Variants in DDHD2 observed in about 807,000 individuals in gnomAD.
The protein encoded by DDHD2 is DDHD domain containing 2.
A neutral mutation model predicts 91.2 loss-of-function variants in DDHD2; 62 were observed. The ratio of observed to expected loss-of-function variants is 0.68; its 90% CI spans 0.55 to 0.84. The LOEUF is 0.84. Among genes scored for constraint, DDHD2 ranks in the 40% least tolerant of loss-of-function variants. The pLI is 0.00. For synonymous variants in DDHD2, 271 were observed against 293.9 expected (o/e 0.92, Z 0.80); for missense variants, 740 against 846.9 (o/e 0.87, Z 1.57).
At chr8:38,256,121 A>T (rs1399584560) in intron 16 of DDHD2, among the ~76,000 whole-genome samples, 1 of 152,068 alleles carries the variant, frequency 6.6e-6, no homozygotes, top group Non-Finnish European at 1.5e-5. Flanking sequence ...TCAACTTAAC[A>T]TATTCATCAC....
chr8:38,249,844 G>A, intron 11 of DDHD2, 41 bp downstream of exon 11: 1 of 1,349,462 alleles, frequency 7.4e-7, no homozygotes, highest in Non-Finnish European at 1.1e-6. Flanking sequence ...ACAATTCTTT[G>A]ATGTCCATAG....
chr8:38,263,935 T>G, downstream of DDHD2: 1 of 985,376 alleles, frequency 1.0e-6, no homozygotes, highest in South Asian at 4.7e-5. Context: ...AAAGATCCTT[T>G]TACTAGAACA....
In DDHD2 at chr8:38,234,497, G is replaced by A. The variant is rs780636754; in HGVS notation, c.324G>A (p.Ser108=). The change falls in exon 3 of 18, where the codon TCG becomes TCA. Residue 108 remains serine, a synonymous_variant. Coordinates refer to ENST00000397166, the MANE Select transcript of DDHD2 (RefSeq NM_015214.3). Reference sequence around the variant, plus strand: ...CTGTATACTGGGATGAACTGGCATCGGAAGTGAGACGATGTACGTGGTTTT... The same window carrying A: ...CTGTATACTGGGATGAACTGGCATCAGAAGTGAGACGATGTACGTGGTTTT... ...RYAVYWDELA[S]EVRRCTWFYK... is the part of the protein sequence containing the mutation. The A allele has an allele frequency of 1.4e-5, 23 of 1,613,516 alleles. No homozygotes were observed. The highest frequency in any genetic ancestry group is 1.9e-5 in the Non-Finnish European group (22 of 1,179,930).
At chr8:38,252,456 T>A (rs895293157) in intron 13 of DDHD2, among the ~76,000 whole-genome samples, 169 bp downstream of exon 13, 2 of 152,144 alleles carry the variant, frequency 1.3e-5, no homozygotes, top group Non-Finnish European at 2.9e-5. Flanking sequence ...TACATTTTTT[T>A]AAATGAACTT....
At chr8:38,246,197 G>A in intron 8 of DDHD2, 36 bp from the exon 9 acceptor site, 1 of 1,473,914 alleles carries the variant, frequency 6.8e-7, no homozygotes, top group Non-Finnish European at 9.5e-7. Context: ...TAGTGCTAAT[G>A]CTTAGAAATT....
chr8:38,263,937 A>C, downstream of DDHD2: 4 of 985,320 alleles, frequency 4.1e-6, no homozygotes, highest in Non-Finnish European at 4.8e-6. Flanking sequence ...AGATCCTTTT[A>C]CTAGAACATG....
intron 15 of DDHD2, 199 bp downstream of exon 15, chr8:38,253,326 A>G (rs1485341456): frequency 1.4e-6 from 1 of 731,522 alleles, no homozygotes; most frequent in Non-Finnish European, 2.2e-6. Context: ...CCTAGCTATC[A>G]ATGGTATAGG....
chr8:38,267,634 C>T, downstream of DDHD2: 1 of 616,750 alleles, frequency 1.6e-6, no homozygotes, highest in Non-Finnish European at 2.8e-6. Flanking sequence ...AATGACACTG[C>T]AGCTTCAGGA....
At chr8:38,243,568 G>A (rs1032679374) in intron 7 of DDHD2, among the ~76,000 whole-genome samples, 2 of 152,066 alleles carry the variant, frequency 1.3e-5, no homozygotes, top group East Asian at 1.9e-4. Context: ...TGCCTCAACC[G>A]TATCTTCATA....
chr8:38,239,960 T>C (rs530878907), intron 5 of DDHD2, among the ~76,000 whole-genome samples: 2 of 151,790 alleles, frequency 1.3e-5, no homozygotes, highest in South Asian at 4.2e-4. Flanking sequence ...CCTGACCTCA[T>C]GATCTACCTG....
intron 3 of DDHD2, among the ~76,000 whole-genome samples, chr8:38,234,799 G>A (rs189934592): frequency 4.3e-4 from 62 of 145,648 alleles, no homozygotes; most frequent in Non-Finnish European, 7.0e-4. Context: ...ACGGAGTCTC[G>A]CTCTGTTGCC....
downstream of DDHD2, chr8:38,264,838 A>ATTAC: frequency 6.3e-7 from 1 of 1,586,362 alleles, no homozygotes. Context: ...ATCTTAAGTA[A>ATTAC]GTATAATAAG....
At chr8:38,267,666 C>T (rs1268681089), downstream of DDHD2, 4 of 621,298 alleles carry the variant, frequency 6.4e-6, no homozygotes, top group Admixed American at 9.0e-5. Flanking sequence ...GGACACTGAC[C>T]GACTGCTGTG....
downstream of DDHD2, chr8:38,264,802 G>A: frequency 6.5e-7 from 1 of 1,527,410 alleles, no homozygotes; most frequent in African/African-American, 1.4e-5. Context: ...TTGTCAGGTT[G>A]CTTTCTGAAC....
intron 3 of DDHD2, 28 bp downstream of exon 3, chr8:38,234,612 T>C (rs1244359962): frequency 2.0e-6 from 3 of 1,508,682 alleles, no homozygotes; most frequent in Non-Finnish European, 2.7e-6. Flanking sequence ...TTTTTACTTA[T>C]TCTTTCTTTC....
At chr8:38,256,113 A>G (rs1806492568) in intron 16 of DDHD2, among the ~76,000 whole-genome samples, 1 of 152,096 alleles carries the variant, frequency 6.6e-6, no homozygotes, top group Admixed American at 6.6e-5. Context: ...CACTACAATC[A>G]ACTTAACATA....
rs549614028 is a variant in DDHD2 at position 38,233,285 on chromosome 8, T to C, written c.220+71T>C. The C allele has an allele frequency of 2.3e-4, 290 of 1,282,746 alleles. 2 individuals carry two copies. The African/African-American group carries it at 3.1e-3, about 14-fold the overall frequency. 79.5% of individuals were successfully genotyped at this position (1,282,746 alleles called of 1,614,324 possible). On this transcript the variant is annotated intron_variant, in intron 2 of 17. Transcript: ENST00000397166. ...TCAAACTATAATATAATGGTCCTTATAGTGAGTGCTATGAAAACCAAATTT... is the reference window on the plus strand; with the variant it reads ...TCAAACTATAATATAATGGTCCTTACAGTGAGTGCTATGAAAACCAAATTT...
At chr8:38,269,099 C>T (rs1585835178) in intron 1 of DDHD2, 2 of 1,526,514 alleles carry the variant, frequency 1.3e-6, no homozygotes, top group Non-Finnish European at 1.8e-6. Flanking sequence ...GCGGGGCCGC[C>T]CGGGCCCGGC....
chr8:38,259,988 A>G (rs1318641379), intron 16 of DDHD2, 52 bp from the exon 17 acceptor site: 1 of 1,171,402 alleles, frequency 8.5e-7, no homozygotes, highest in Non-Finnish European at 1.3e-6. Context: ...TATGTAAAAC[A>G]TTTGGCACAA....
Sources: allele counts gnomAD v4.1 joint callset (sites outside exome capture counted in the v4.1 genomes callset), GRCh38; gene constraint gnomAD v4.1.1; transcripts MANE v1.5; gene names NCBI Gene and HGNC (gene_info 2026-07-23, HGNC 2026-07-21).